The following SLC2A13 variants were observed in gnomAD, a reference collection of about 807,000 sequenced individuals.
The protein encoded by SLC2A13 is solute carrier family 2 member 13.
Under a neutral mutation model 64.4 loss-of-function variants are expected in SLC2A13, and 32 were observed. The ratio of observed to expected loss-of-function variants is 0.50; its 90% CI spans 0.37 to 0.67. SLC2A13 has a LOEUF of 0.67. SLC2A13 is among the 30% of genes least tolerant of loss of function. SLC2A13 has a pLI of 0.00. For missense variants in SLC2A13, 743 were observed against 829.2 expected (o/e 0.90, Z 1.28); for synonymous variants, 338 against 327.1 (o/e 1.03, Z -0.36).
At chr12:39,863,486 A>G (rs181663927) in intron 6 of SLC2A13, among the ~76,000 whole-genome samples, 4 of 152,300 alleles carry the variant, frequency 2.6e-5, no homozygotes, top group Admixed American at 1.3e-4. Flanking sequence ...TCTGGAGAAT[A>G]TTCTATGATT....
intron 1 of SLC2A13, among the ~76,000 whole-genome samples, chr12:40,082,728 G>A (rs1938452565): frequency 6.6e-6 from 1 of 152,208 alleles, no homozygotes; most frequent in African/African-American, 2.4e-5. Flanking sequence ...GGGGATCCAT[G>A]CAAGCTGGAG....
intron 1 of SLC2A13, among the ~76,000 whole-genome samples, chr12:40,052,220 A>C (rs544958112): frequency 1.3e-5 from 2 of 152,254 alleles, no homozygotes; most frequent in South Asian, 2.1e-4. Flanking sequence ...ATAGAAGTAG[A>C]TAGTAAGTGG....
chr12:40,083,198 G>A (rs918352622), intron 1 of SLC2A13, among the ~76,000 whole-genome samples: 2 of 152,134 alleles, frequency 1.3e-5, no homozygotes, highest in Admixed American at 1.3e-4. Context: ...TGCATGTGCT[G>A]CTTAGGGGTG....
At chr12:39,980,235 A>C (rs1946863126) in intron 3 of SLC2A13, among the ~76,000 whole-genome samples, 1 of 152,230 alleles carries the variant, frequency 6.6e-6, no homozygotes, top group African/African-American at 2.4e-5. Context: ...AAATGTAAAG[A>C]CCATCGAGAC....
rs1007164072 is a variant in SLC2A13, at chr12:39,978,740, T to C, written c.926-27375A>G. 2.0e-5 allele frequency among the ~76,000 whole-genome samples: 3 copies of C among 152,008 alleles called. No individual in the cohort carries two copies. In the South Asian group the frequency reaches 6.2e-4, roughly 32 times the overall value. On this transcript the variant is annotated intron_variant, in intron 3 of 9. Coordinates refer to ENST00000280871, the MANE Select transcript of SLC2A13 (RefSeq NM_052885.4). ...TCAAACTGCAAGGCGGCAGCAAGGC[T>C]GGGGGAGAGGCGCCCGCCATTGCCC...
At chr12:40,077,490 T>C (rs1336320434) in intron 1 of SLC2A13, among the ~76,000 whole-genome samples, 1 of 152,194 alleles carries the variant, frequency 6.6e-6, no homozygotes, top group Non-Finnish European at 1.5e-5. Flanking sequence ...CTGGGTTCTC[T>C]AACCTGTTCC....
intron 3 of SLC2A13, among the ~76,000 whole-genome samples, chr12:40,014,193 G>A (rs906429871): frequency 3.9e-5 from 6 of 152,174 alleles, no homozygotes; most frequent in Admixed American, 6.5e-5. Context: ...GGATGAATAT[G>A]TATTTCTGGC....
intron 3 of SLC2A13, among the ~76,000 whole-genome samples, chr12:39,967,051 G>A (rs1045719692): frequency 1.1e-4 from 17 of 152,082 alleles, no homozygotes; most frequent in Non-Finnish European, 1.5e-4. Flanking sequence ...TCTGTGAAGG[G>A]AGTCAGGATG....
chr12:39,933,895 ATAAAT>A (rs746992806), intron 4 of SLC2A13, among the ~76,000 whole-genome samples: 1 of 152,222 alleles, frequency 6.6e-6, no homozygotes, highest in Non-Finnish European at 1.5e-5. Flanking sequence ...GAGTGTCTGT[ATAAAT>A]TACTCAAGGT....
At chr12:39,787,595 T>C (rs1941237076) in intron 7 of SLC2A13, among the ~76,000 whole-genome samples, 1 of 152,182 alleles carries the variant, frequency 6.6e-6, no homozygotes, top group Admixed American at 6.5e-5. Flanking sequence ...TCAGTCCCTA[T>C]TGAAACAAGT....
chr12:39,942,968 T>C (rs1489754145), intron 4 of SLC2A13, among the ~76,000 whole-genome samples: 1 of 152,202 alleles, frequency 6.6e-6, no homozygotes, highest in Non-Finnish European at 1.5e-5. Flanking sequence ...TTGATGTTGA[T>C]GCTATTCCTT....
chr12:39,832,802 A>G (rs953314992), intron 6 of SLC2A13, among the ~76,000 whole-genome samples: 5 of 152,032 alleles, frequency 3.3e-5, no homozygotes, highest in African/African-American at 1.2e-4. Context: ...CTATCATTCC[A>G]TTATACCCAT....
chr12:39,815,441 A>G lies in SLC2A13; in HGVS notation c.1445+14662T>C, dbSNP rs137973662. Among the ~76,000 whole-genome samples the G allele has an allele frequency of 3.9e-5, 6 of 152,298 alleles. No homozygotes were observed. In the East Asian group the frequency reaches 1.2e-3, roughly 29 times the overall value. ...GAACAGGTTCTTTGTCAAAACAGCT[A>G]TAGGACTCGTAGGCTGGAGCATTCT... On this transcript the variant is annotated intron_variant, in intron 7 of 9. Transcript: ENST00000280871.
chr12:39,928,695 T>C (rs1362110662), intron 4 of SLC2A13, among the ~76,000 whole-genome samples: 1 of 152,044 alleles, frequency 6.6e-6, no homozygotes, highest in Non-Finnish European at 1.5e-5. Context: ...GACTATAAAG[T>C]AATTAAAGTT....
chr12:39,923,712 A>ACACACT (rs1945663649), intron 4 of SLC2A13, among the ~76,000 whole-genome samples: 1 of 151,574 alleles, frequency 6.6e-6, no homozygotes, highest in Non-Finnish European at 1.5e-5. Flanking sequence ...ACACACACAC[A>ACACACT]CACACACACA....
chr12:40,037,059 T>C (rs1947999541), intron 2 of SLC2A13, among the ~76,000 whole-genome samples: 1 of 152,238 alleles, frequency 6.6e-6, no homozygotes. Flanking sequence ...TATTTTTCCA[T>C]ATGCTAAACC....
chr12:39,975,181 C>T (rs1946738280), intron 3 of SLC2A13, among the ~76,000 whole-genome samples: 1 of 152,168 alleles, frequency 6.6e-6, no homozygotes, highest in Non-Finnish European at 1.5e-5. Flanking sequence ...GGACAAATTT[C>T]ACTCAGACAA....
At position 39,847,485 on chromosome 12, in the gene SLC2A13, T is replaced by G. The variant is rs79491353; in HGVS notation, c.1320-17257A>C. 2.8e-3 allele frequency among the ~76,000 whole-genome samples: 431 copies of G among 152,234 alleles called. 1 individual carries two copies. Among genetic ancestry groups the G allele is most frequent in the Non-Finnish European group, 4.9e-3 (334 of 68,008 alleles). ...CAGGAAGACTTCAAAGGGAGCTGAT[T>G]CAGCTGGGAAGAGCTGCTCTTTCTG... On this transcript the variant is annotated intron_variant, in intron 6 of 9. Transcript: ENST00000280871.
intron 1 of SLC2A13, among the ~76,000 whole-genome samples, chr12:40,066,975 T>C (rs949907163): frequency 6.6e-6 from 1 of 152,206 alleles, no homozygotes; most frequent in Non-Finnish European, 1.5e-5. Flanking sequence ...GTAAATCATA[T>C]ATGTTATGTG....
Sources: gnomAD v4.1 joint callset for allele counts (sites outside exome capture counted in the v4.1 genomes callset) on GRCh38, gnomAD v4.1.1 for gene constraint, MANE v1.5 for transcripts, NCBI Gene and HGNC (gene_info 2026-07-23, HGNC 2026-07-21) for gene names.